PKD2: variants seen among roughly 807,000 people sequenced by gnomAD.
PKD2 encodes the protein polycystin-2.
PKD2 carries 48 observed loss-of-function variants against 105.9 expected under a neutral mutation model. That is an observed-to-expected ratio of 0.45 (90% CI 0.36 to 0.58). The LOEUF (loss-of-function observed/expected upper bound fraction) is 0.58. Among genes scored for constraint, PKD2 ranks in the 20% least tolerant of loss-of-function variants. The pLI is 0.00. For synonymous variants in PKD2, 464 were observed against 481.1 expected, an observed-to-expected ratio of 0.96 and a Z score of 0.46; for missense variants, 1,078 against 1,255.3, an observed-to-expected ratio of 0.86 and a Z score of 2.13.
chr4:88,008,176 G>A lies in PKD2; in HGVS notation c.443G>A (p.Gly148Asp). Residue 148 changes from glycine to aspartate, a missense_variant, in exon 1 of 15, where the codon GGC becomes GAC. By Grantham distance (94) the Gly-to-Asp change is moderately conservative. Around this residue, in one of 2 missense-constraint regions of PKD2, gnomAD observed 868 missense variants for 1,067.3 expected, o/e 0.81. Transcript: ENST00000237596. Reference sequence around the variant, plus strand: ...GGGCTTGGGGGCTACCACGGCGCGGGCCACCCGAGCGGGAGGCGGCGCCGG... The same window carrying A: ...GGGCTTGGGGGCTACCACGGCGCGGACCACCCGAGCGGGAGGCGGCGCCGG... Reference protein sequence around the residue: ...SRGLGGYHGAGHPSGRRRRRE... With the variant: ...SRGLGGYHGADHPSGRRRRRE... The A allele has an allele frequency of 3.6e-6, 5 of 1,391,954 alleles. No individual in the cohort carries two copies. The highest frequency in any genetic ancestry group is 4.6e-6 in the Non-Finnish European group (5 of 1,079,564). 86.2% of individuals were successfully genotyped at this position (1,391,954 alleles called of 1,614,324 possible). A position where few individuals can be genotyped will look rare whatever the true frequency, so the allele number is the denominator to read the frequency against.
At chr4:88,069,549 G>T (rs930191829) in intron 13 of PKD2, among the ~76,000 whole-genome samples, 4 of 151,520 alleles carry the variant, frequency 2.6e-5, no homozygotes, top group Non-Finnish European at 5.9e-5. Flanking sequence ...TTTCTATTTA[G>T]CTTTTTTCCT....
At chr4:88,043,542 C>T in intron 5 of PKD2, 85 bp downstream of exon 5, 3 of 938,804 alleles carry the variant, frequency 3.2e-6, no homozygotes, top group Non-Finnish European at 5.1e-6. Context: ...AAACCTTTGC[C>T]TGCAGTTAGC....
In PKD2 at chr4:88,077,476, G is replaced by A. The variant is rs1020679387; in HGVS notation, c.*1782G>A. 1 of 152,470 alleles carries A rather than the reference G, an allele frequency of 6.6e-6. No homozygotes were observed. Among genetic ancestry groups the A allele is most frequent in the African/African-American group, 2.4e-5 (1 of 41,384 alleles). 9.4% of individuals were successfully genotyped at this position (152,470 alleles called of 1,614,324 possible). On this transcript the variant is annotated 3_prime_UTR_variant, in exon 15 of 15. Coordinates refer to ENST00000237596, the MANE Select transcript of PKD2 (RefSeq NM_000297.4). Reference sequence around the variant, plus strand: ...CTATTATGTGGTATCCATGTGTATCGACCATGTGCCATATATCAATTATGG... The same window carrying A: ...CTATTATGTGGTATCCATGTGTATCAACCATGTGCCATATATCAATTATGG...
At chr4:88,048,415 T>G (rs1056619984) in intron 6 of PKD2, among the ~76,000 whole-genome samples, 1 of 152,180 alleles carries the variant, frequency 6.6e-6, no homozygotes, top group African/African-American at 2.4e-5. Flanking sequence ...GAAAGAACAC[T>G]TAAAGCATAA....
At chr4:88,019,368 T>C (rs1726669821) in intron 1 of PKD2, 90 bp from the exon 2 acceptor site, 2 of 744,954 alleles carry the variant, frequency 2.7e-6, no homozygotes, top group South Asian at 3.2e-5. Flanking sequence ...TAGGTGAACT[T>C]TTTAATTTGT....
rs1313482750 is a variant in PKD2 at position 88,070,601 on chromosome 4, T to TATAGAG, written c.2522+2541_2522+2542insTAGAGA. The stretch of plus-strand genomic sequence containing the variant: ...ATATATATATATATATATATATATA[T>TATAGAG]AGAGAGAGAGAGAGAGAGAGAGAGA... On this transcript the variant is annotated intron_variant, in intron 13 of 14. Transcript: ENST00000237596. Among the ~76,000 whole-genome samples, 481 of 91,440 alleles carry TATAGAG rather than the reference T, an allele frequency of 5.3e-3. 2 individuals are homozygous for TATAGAG. The highest frequency in any genetic ancestry group is 6.4e-3 in the Non-Finnish European group (305 of 47,752). The allele number at this position is 91,440 out of a possible 152,430, so 60.0% of individuals were successfully genotyped here.
Position 88,036,461 on chromosome 4 carries a change from T to G in PKD2, c.843+108T>G. 3.8e-6 allele frequency: 6 copies of G among 1,561,738 alleles called. No individual in the cohort carries two copies. In the East Asian group the frequency reaches 1.1e-4, roughly 30 times the overall value. On this transcript the variant is annotated intron_variant, in intron 3 of 14. Transcript: ENST00000237596. ...ACAGGACCTGCTTTGCATTTAACACTGTGTGAGACGTAAGTTATGGTGAGT... is the reference window on the plus strand; with the variant it reads ...ACAGGACCTGCTTTGCATTTAACACGGTGTGAGACGTAAGTTATGGTGAGT...
chr4:88,059,239 A>AAGTTCAT (rs1045011416), intron 9 of PKD2, among the ~76,000 whole-genome samples: 63 of 152,302 alleles, frequency 4.1e-4, no homozygotes, highest in African/African-American at 1.4e-3. Context: ...AATATCATTC[A>AAGTTCAT]AGTTCATATG....
intron 1 of PKD2, among the ~76,000 whole-genome samples, chr4:88,009,248 T>C (rs1198944265): frequency 6.6e-6 from 1 of 152,242 alleles, no homozygotes; most frequent in Non-Finnish European, 1.5e-5. Context: ...GGAAAGTATT[T>C]CATTTGCTTT....
chr4:88,057,902 G>A, intron 8 of PKD2, 81 bp from the exon 9 acceptor site: 1 of 1,124,902 alleles, frequency 8.9e-7, no homozygotes, highest in South Asian at 1.2e-5. Flanking sequence ...CAAAAATAAT[G>A]AAATCATCTT....
Position 88,067,947 on chromosome 4 carries a change from G to A in PKD2, c.2408G>A (p.Arg803Gln), listed in dbSNP as rs771211716. The change falls in exon 13 of 15, where the codon CGA becomes CAA. Residue 803 changes from arginine to glutamine, a missense_variant. Arg to Gln is a conservative substitution (Grantham distance 43, BLOSUM62 1). Transcript: ENST00000237596. ...HSSLPRPMSS[R>Q]SFPRSLDDSE... is the part of the protein sequence containing the mutation. ...TCTTTACCACGTCCCATGAGCAGCC[G>A]AAGTTTCCCTCGAAGCCTGGATGAC... is the stretch of plus-strand genomic sequence containing the variant. The A allele has an allele frequency of 9.3e-6, 15 of 1,613,922 alleles. No individual in the cohort carries two copies. The highest frequency in any genetic ancestry group is 5.3e-5 in the African/African-American group (4 of 74,912).
intron 3 of PKD2, among the ~76,000 whole-genome samples, chr4:88,036,863 T>A (rs1727352155): frequency 6.6e-6 from 1 of 152,244 alleles, no homozygotes; most frequent in African/African-American, 2.4e-5. Context: ...GTGTTTTGTC[T>A]CTTTGTTGAT....
intron 2 of PKD2, 174 bp from the exon 3 acceptor site, chr4:88,036,046 T>C (rs771611092): frequency 1.9e-5 from 18 of 933,116 alleles, no homozygotes; most frequent in South Asian, 1.2e-4. Context: ...GCCAGAGATA[T>C]AGAGAGATAC....
chr4:88,060,262 C>T (rs1234742814), intron 9 of PKD2, among the ~76,000 whole-genome samples: 2 of 152,124 alleles, frequency 1.3e-5, no homozygotes, highest in Non-Finnish European at 2.9e-5. Context: ...ATTATCTGCA[C>T]TTGGAATTGA....
In PKD2 at chr4:88,074,827, G is replaced by A. The variant is rs559547714; in HGVS notation, c.2538G>A (p.Val846=). 1 of 1,614,076 alleles carries A rather than the reference G, an allele frequency of 6.2e-7. No individual in the cohort carries two copies. Among genetic ancestry groups the A allele is most frequent in the Admixed American group, 1.7e-5 (1 of 60,024 alleles). ...TTCCTTGCAGCCTGGTGAGACGAGT[G>A]GACCGGATGGAGCATTCCATCGGCA... ...YEEFQVLVRR[V]DRMEHSIGSI... The change falls in exon 14 of 15, where the codon GTG becomes GTA. Residue 846 remains valine (V), a synonymous_variant. Coordinates refer to ENST00000237596, the MANE Select transcript of PKD2 (RefSeq NM_000297.4).
intron 6 of PKD2, among the ~76,000 whole-genome samples, chr4:88,049,307 C>T (rs1405100422): frequency 1.3e-5 from 2 of 152,160 alleles, no homozygotes; most frequent in Non-Finnish European, 2.9e-5. Flanking sequence ...TACCACCTAC[C>T]TAGAAGTTGT....
At position 88,077,685 on chromosome 4, in the gene PKD2, A is replaced by G. The variant is rs900520913; in HGVS notation, c.*1991A>G. 6 of 152,184 alleles carry G rather than the reference A, an allele frequency of 3.9e-5. No individual in the cohort carries two copies. The highest frequency in any genetic ancestry group is 3.8e-4 in the East Asian group (2 of 5,204). 9.4% of individuals were successfully genotyped at this position (152,184 alleles called of 1,614,324 possible). ...TGTGTACTGGTATTATTAAAAAGAC[A>G]TTACATACGCAAGTCTTTCTCGACA... On this transcript the variant is annotated 3_prime_UTR_variant, in exon 15 of 15. Transcript: ENST00000237596.
intron 2 of PKD2, among the ~76,000 whole-genome samples, chr4:88,028,538 G>T (rs1727035831): frequency 6.6e-6 from 1 of 152,208 alleles, no homozygotes; most frequent in Non-Finnish European, 1.5e-5. Context: ...AAAATGACAA[G>T]AAATAGAAGA....
In PKD2 at chr4:88,007,973, G is replaced by A. The variant is rs1726235543; in HGVS notation, c.240G>A (p.Ser80=). 1 of 1,503,812 alleles carries A rather than the reference G, an allele frequency of 6.6e-7. No individual in the cohort carries two copies. Among genetic ancestry groups the A allele is most frequent in the Non-Finnish European group, 8.8e-7 (1 of 1,130,202 alleles). The allele number at this position is 1,503,812 out of a possible 1,614,324, so 93.2% of individuals were successfully genotyped here. A position where few individuals can be genotyped will look rare whatever the true frequency, so the allele number is the denominator to read the frequency against. Residue 80 remains serine, a synonymous_variant, in exon 1 of 15, where the codon TCG becomes TCA. Transcript: ENST00000237596. ...CGGCCTCCCCTTCTCCTCCGCTCTC[G>A]TCGTGCTCCCGGCAGGCGTGGAGCC... ...GAAASPSPPL[S]SCSRQAWSRD...
Sources: allele counts gnomAD v4.1 joint callset (sites outside exome capture counted in the v4.1 genomes callset), GRCh38; gene constraint gnomAD v4.1.1; regional missense constraint gnomAD v4.1.1; transcripts MANE v1.5; gene names NCBI Gene and HGNC (gene_info 2026-07-23, HGNC 2026-07-21).